BTD: variants seen among roughly 807,000 people sequenced by gnomAD.
BTD encodes the protein biocytinase.
A neutral mutation model predicts 17.7 loss-of-function variants in BTD; 13 were observed. The observed-to-expected ratio is 0.74, with a 90% CI of 0.48 to 1.17. BTD has a LOEUF of 1.17. BTD is among the 50% of genes most tolerant of loss of function. The probability of loss-of-function intolerance (pLI) is 0.00; values close to 1 mark genes in which losing one functional copy is unlikely to be tolerated. For missense variants in BTD, 674 were observed against 650.4 expected (o/e 1.04, Z -0.39); for synonymous variants, 240 against 245.2 (o/e 0.98, Z 0.20).
At position 15,646,907 on chromosome 3, in the gene BTD, C is replaced by G. The variant is rs1037246718; in HGVS notation, c.*1419C>G. 1 of 152,184 alleles carries G rather than the reference C, an allele frequency of 6.6e-6. No homozygotes were observed. The highest frequency in any genetic ancestry group is 2.4e-5 in the African/African-American group (1 of 41,438). 9.4% of individuals were successfully genotyped at this position (152,184 alleles called of 1,614,324 possible). ...TTCTGCAGTCAGACTGATGGGGTTT[C>G]CATGCATGGCCTCACCATTAACTCC... is the stretch of plus-strand genomic sequence containing the variant. On this transcript the variant is annotated 3_prime_UTR_variant, in exon 4 of 4. Transcript: ENST00000643237.
At chr3:15,621,895 C>T (rs769628660) in intron 1 of BTD, among the ~76,000 whole-genome samples, 3 of 152,122 alleles carry the variant, frequency 2.0e-5, no homozygotes, top group Admixed American at 6.5e-5. Flanking sequence ...TCACTGTGCC[C>T]GGACATCAGT....
Position 15,652,930 on chromosome 3 carries a change from G to C in BTD, c.*7442G>C, listed in dbSNP as rs887743565. Among the ~76,000 whole-genome samples, 8 of 152,152 alleles carry C rather than the reference G, an allele frequency of 5.3e-5. No individual in the cohort carries two copies. Among genetic ancestry groups the C allele is most frequent in the African/African-American group, 1.7e-4 (7 of 41,402 alleles). ...ACAGGGAGATGTTCTCAGATAGAGG[G>C]AGAACAACAAAAAGAAGGGTCCATG... On this transcript the variant is annotated 3_prime_UTR_variant, in exon 4 of 4. Transcript: ENST00000643237.
chr3:15,614,822 C>G (rs572154031), intron 1 of BTD, among the ~76,000 whole-genome samples: 102 of 151,598 alleles, frequency 6.7e-4, no homozygotes, highest in Non-Finnish European at 5.9e-4. Context: ...GCCTCCAACT[C>G]CTGGGCTCAA....
chr3:15,638,803 A>G (rs1229286425), intron 2 of BTD, among the ~76,000 whole-genome samples: 1 of 152,242 alleles, frequency 6.6e-6, no homozygotes, highest in Non-Finnish European at 1.5e-5. Flanking sequence ...CATTGTTCCT[A>G]GGCTATAAAC....
Position 15,663,005 on chromosome 3 carries a change from T to A in BTD, c.399+20948T>A, listed in dbSNP as rs1452209479. The stretch of plus-strand genomic sequence containing the variant: ...CTGCATCTATGTTCATGAGAAATAT[T>A]TTTTTTTTTGAGACGGAGTTTCGCT... On this transcript the variant is annotated intron_variant, in intron 3 of 3. Transcript: ENST00000672141. 4.7e-5 allele frequency among the ~76,000 whole-genome samples: 7 copies of A among 150,150 alleles called. No individual in the cohort carries two copies. The South Asian group carries it at 1.3e-3, about 27-fold the overall frequency.
At chr3:15,663,512 A>T (rs2065946836) in intron 3 of BTD, among the ~76,000 whole-genome samples, 1 of 152,168 alleles carries the variant, frequency 6.6e-6, no homozygotes, top group African/African-American at 2.4e-5. Context: ...TAATAGATAT[A>T]GGTCCATTCA....
downstream of BTD, chr3:15,714,547 A>AACC (rs200662705): frequency 6.1e-6 from 9 of 1,463,608 alleles, no homozygotes; most frequent in African/African-American, 1.2e-4. Flanking sequence ...AAAAAAAAAA[A>AACC]CCCCAAAAAA....
chr3:15,670,402 G>A, intron 3 of BTD: 1 of 1,613,932 alleles, frequency 6.2e-7, no homozygotes, highest in East Asian at 2.2e-5. Flanking sequence ...CTTCAAAGCT[G>A]ACTGTTTTTG....
In BTD at chr3:15,602,875, A is replaced by C. The variant is rs1243836314; in HGVS notation, c.-17+981A>C. 3.9e-5 allele frequency among the ~76,000 whole-genome samples: 6 copies of C among 152,162 alleles called. No individual in the cohort carries two copies. In the East Asian group the frequency reaches 7.7e-4, roughly 20 times the overall value. ...TTCATACTGCTATAAAGAAATACCC[A>C]AAACTGGGTAATTTATAAAGAAAAA... On this transcript the variant is annotated intron_variant, in intron 1 of 3. Transcript: ENST00000643237.
intron 3 of BTD, chr3:15,697,203 C>T (rs954859565): frequency 1.3e-5 from 2 of 152,180 alleles, no homozygotes; most frequent in Non-Finnish European, 2.9e-5. Context: ...AAACGAATAT[C>T]GTATGTTCTC....
At chr3:15,681,129 C>CA (rs1301860369) in intron 3 of BTD, among the ~76,000 whole-genome samples, 10 of 152,248 alleles carry the variant, frequency 6.6e-5, no homozygotes, top group African/African-American at 2.4e-4. Context: ...GTCCCTTGTA[C>CA]AAAATGGTTT....
At chr3:15,719,062 A>T (rs1353867861) in intron 4 of BTD, among the ~76,000 whole-genome samples, 1 of 152,202 alleles carries the variant, frequency 6.6e-6, no homozygotes, top group Admixed American at 6.5e-5. Flanking sequence ...TTACTAGGTG[A>T]TTTGACCGAG....
At chr3:15,619,709 T>C (rs1265958422) in intron 1 of BTD, among the ~76,000 whole-genome samples, 1 of 152,228 alleles carries the variant, frequency 6.6e-6, no homozygotes, top group Non-Finnish European at 1.5e-5. Context: ...GTCTGAATTC[T>C]CTAGGGAGAT....
chr3:15,614,452 A>G (rs982274262), intron 1 of BTD, among the ~76,000 whole-genome samples: 2 of 151,702 alleles, frequency 1.3e-5, no homozygotes, highest in Non-Finnish European at 2.9e-5. Flanking sequence ...TAGAAATATC[A>G]TGGAACATCA....
intron 1 of BTD, among the ~76,000 whole-genome samples, chr3:15,609,518 C>T (rs1221161928): frequency 6.6e-6 from 1 of 152,154 alleles, no homozygotes; most frequent in Non-Finnish European, 1.5e-5. Flanking sequence ...CATTTGATCT[C>T]CAAAGTATTG....
At chr3:15,622,937 A>G (rs1469367146) in intron 1 of BTD, among the ~76,000 whole-genome samples, 1 of 152,212 alleles carries the variant, frequency 6.6e-6, no homozygotes, top group Non-Finnish European at 1.5e-5. Context: ...GAGACTGGGT[A>G]ATTTATAAAG....
rs535516050 is a variant in BTD at position 15,691,125 on chromosome 3, CT to C, written c.400-18919del. ...TGAAGATTTGTCAGACTGAAGTTGT[CT>C]TTTTTTTTTTTTTTTGAGACGGAGT... On this transcript the variant is annotated intron_variant, in intron 3 of 3. Coordinates refer to the BTD transcript ENST00000672141. 3.4e-3 allele frequency among the ~76,000 whole-genome samples: 484 copies of C among 141,424 alleles called. 2 individuals are homozygous for C. The highest frequency in any genetic ancestry group is 0.021 in the East Asian group (103 of 4,876). 92.8% of individuals were successfully genotyped at this position (141,424 alleles called of 152,430 possible). A position where few individuals can be genotyped will look rare whatever the true frequency, so the allele number is the denominator to read the frequency against.
chr3:15,602,227 C>A lies in BTD; in HGVS notation c.-17+333C>A, dbSNP rs1479084733. 4.5e-6 allele frequency: 6 copies of A among 1,331,000 alleles called. No individual in the cohort carries two copies. In the East Asian group the frequency reaches 1.8e-4, roughly 41 times the overall value. The allele number at this position is 1,331,000 out of a possible 1,614,324, so 82.4% of individuals were successfully genotyped here. ...AAATGACGCTCAGAGTCAGTAGATC[C>A]AGACCGTGCCTGAGATCCTGAATCC... is the stretch of plus-strand genomic sequence containing the variant. On this transcript the variant is annotated intron_variant, in intron 1 of 3. Transcript: ENST00000643237.
At chr3:15,712,017 G>A in exon 4 of BTD, 1 of 746,252 alleles carries the variant, frequency 1.3e-6, no homozygotes, top group South Asian at 1.7e-5. Flanking sequence ...CGTTCTAAAA[G>A]GGGTTATTAA....
Sources: allele counts gnomAD v4.1 joint callset (sites outside exome capture counted in the v4.1 genomes callset), GRCh38; gene constraint gnomAD v4.1.1; transcripts MANE v1.5; gene names NCBI Gene and HGNC (gene_info 2026-07-23, HGNC 2026-07-21).